GLI2: variants seen among roughly 807,000 people sequenced by gnomAD.
The protein encoded by GLI2 is transcription activator GLI2.
Under a neutral mutation model 78.9 loss-of-function variants are expected in GLI2, and 22 were observed. The observed-to-expected ratio is 0.28, with a 90% confidence interval of 0.20 to 0.40. The LOEUF (loss-of-function observed/expected upper bound fraction) is 0.40, where lower values mean the gene tolerates loss of function less well. GLI2 is among the 10% of genes least tolerant of loss of function. The pLI, the probability that GLI2 is intolerant of heterozygous loss-of-function variation, is 1.00. For missense variants in GLI2, 2,097 were observed against 2,213.2 expected, an observed-to-expected ratio of 0.95 and a Z score of 1.05; for synonymous variants, 974 against 963.7, an observed-to-expected ratio of 1.01 and a Z score of -0.20.
chr2:120,816,817 T>G (rs146942527), intron 2 of GLI2, among the ~76,000 whole-genome samples: 130 of 152,316 alleles, frequency 8.5e-4, no homozygotes, highest in African/African-American at 2.7e-3. Flanking sequence ...GATCTAGAGA[T>G]AGAAAAGAGG....
chr2:120,737,450 G>A lies in GLI2; in HGVS notation c.-31+1165G>A. ...GCCTCTTTCCACTACCTTCTCTTTT[G>A]TGTAATTGTTCTGTGGCTCCTAGAG... is the stretch of plus-strand genomic sequence containing the variant. On this transcript the variant is annotated intron_variant, in intron 1 of 13. Transcript: ENST00000361492. This position sits in a 1 kb window ranked among gnomAD's most constrained non-coding sequence, Gnocchi z 4.3. Among the ~76,000 whole-genome samples the A allele has an allele frequency of 6.6e-6, 1 of 152,160 alleles. No individual in the cohort carries two copies. The highest frequency in any genetic ancestry group is 6.5e-5 in the Admixed American group (1 of 15,282).
intron 2 of GLI2, among the ~76,000 whole-genome samples, chr2:120,919,057 C>T (rs1352600937): frequency 6.6e-6 from 1 of 152,174 alleles, no homozygotes; most frequent in Non-Finnish European, 1.5e-5. Flanking sequence ...TCTACACTAG[C>T]GCCTTCTTTT....
chr2:120,813,284 G>T (rs1450937293), intron 2 of GLI2, among the ~76,000 whole-genome samples: 1 of 152,238 alleles, frequency 6.6e-6, no homozygotes, highest in African/African-American at 2.4e-5. Context: ...TCTAAGAGCT[G>T]CATTGCTTTG....
chr2:120,989,109 C>T lies in GLI2; in HGVS notation c.3144C>T (p.Asp1048=), dbSNP rs1257064803. ...LPEDDLVLPD[D]VVQYIKAHAS... The stretch of plus-strand genomic sequence containing the variant: ...AGGACGACCTGGTGCTTCCAGACGA[C>T]GTGGTGCAGTACATCAAGGCGCACG... The change falls in exon 14 of 14, where the codon GAC becomes GAT. Residue 1048 remains aspartate (D), a synonymous_variant. Transcript: ENST00000361492. 2 of 1,612,800 alleles carry T rather than the reference C, an allele frequency of 1.2e-6. No individual in the cohort carries two copies. Among genetic ancestry groups the T allele is most frequent in the South Asian group, 1.1e-5 (1 of 91,086 alleles).
At chr2:120,921,151 G>A (rs1056659755) in intron 2 of GLI2, among the ~76,000 whole-genome samples, 2 of 152,128 alleles carry the variant, frequency 1.3e-5, no homozygotes, top group Admixed American at 6.5e-5. Flanking sequence ...GGGACAATCC[G>A]TGCTGGTCTG....
Position 120,921,712 on chromosome 2 carries a change from A to G in GLI2, c.149-5649A>G, listed in dbSNP as rs116560391. ...TGGACCCTCCTTGTACAGCATTTCC[A>G]AAAGTTGTATCAGAGCAGGTGACTG... On this transcript the variant is annotated intron_variant, in intron 2 of 13. Coordinates refer to ENST00000361492, the MANE Select transcript of GLI2 (RefSeq NM_001374353.1). Among the ~76,000 whole-genome samples the G allele has an allele frequency of 2.5e-3, 387 of 152,200 alleles. 4 individuals carry two copies. The highest frequency in any genetic ancestry group is 8.6e-3 in the African/African-American group (359 of 41,528).
intron 2 of GLI2, among the ~76,000 whole-genome samples, chr2:120,908,079 C>T (rs901061388): frequency 6.6e-6 from 1 of 152,162 alleles, no homozygotes; most frequent in Admixed American, 6.5e-5. Context: ...ACATGGGGCC[C>T]TATTATAGGT....
chr2:120,978,665 C>A, intron 10 of GLI2, 82 bp downstream of exon 10: 2 of 1,477,666 alleles, frequency 1.4e-6, no homozygotes, highest in South Asian at 1.2e-5. Context: ...TTGGAGGTGG[C>A]TGGCCACAGG....
chr2:120,776,302 G>A (rs917160727), intron 1 of GLI2, among the ~76,000 whole-genome samples: 6 of 152,356 alleles, frequency 3.9e-5, no homozygotes, highest in African/African-American at 1.4e-4. Flanking sequence ...GGCTCTATTA[G>A]CTTTGGAACC....
At chr2:120,770,557 G>A (rs1683492577) in intron 1 of GLI2, among the ~76,000 whole-genome samples, 1 of 152,220 alleles carries the variant, frequency 6.6e-6, no homozygotes, top group Non-Finnish European at 1.5e-5. Context: ...GCCATTGCTG[G>A]ACGACAGCCA....
chr2:120,942,098 C>T (rs1043060302), intron 3 of GLI2, among the ~76,000 whole-genome samples: 2 of 152,180 alleles, frequency 1.3e-5, no homozygotes, highest in African/African-American at 4.8e-5. Context: ...AACGATGGCA[C>T]TAGTGACGGT....
At chr2:120,832,001 C>T (rs1012680960) in intron 2 of GLI2, among the ~76,000 whole-genome samples, 3 of 152,174 alleles carry the variant, frequency 2.0e-5, no homozygotes, top group Non-Finnish European at 4.4e-5. Context: ...CACCACAAGG[C>T]GGGGTGGTTC....
chr2:120,766,379 A>G (rs536281707), intron 1 of GLI2, among the ~76,000 whole-genome samples: 66 of 152,256 alleles, frequency 4.3e-4, no homozygotes, highest in African/African-American at 1.5e-3. Flanking sequence ...GGCTGACCCT[A>G]GGCTCCCCAC....
intron 1 of GLI2, among the ~76,000 whole-genome samples, chr2:120,771,156 C>G (rs1323701784): frequency 6.6e-6 from 1 of 152,240 alleles, no homozygotes; most frequent in Non-Finnish European, 1.5e-5. Context: ...TGCAGGATCT[C>G]AGCCCTCTTC....
intron 2 of GLI2, among the ~76,000 whole-genome samples, chr2:120,907,657 G>C (rs1454864089): frequency 1.3e-5 from 2 of 152,186 alleles, no homozygotes; most frequent in Non-Finnish European, 2.9e-5. Flanking sequence ...CGCAGACGAG[G>C]GTTCAGATCT....
At chr2:120,842,264 T>C (rs1686921975) in intron 2 of GLI2, among the ~76,000 whole-genome samples, 1 of 152,068 alleles carries the variant, frequency 6.6e-6, no homozygotes, top group Non-Finnish European at 1.5e-5. Flanking sequence ...AAATAAAACA[T>C]TATTTGTTTA....
chr2:120,956,522 C>G (rs1028168655), intron 5 of GLI2, among the ~76,000 whole-genome samples: 3 of 152,104 alleles, frequency 2.0e-5, no homozygotes, highest in Non-Finnish European at 4.4e-5. Flanking sequence ...GCTCAGCACC[C>G]CCTCCCATCC....
intron 5 of GLI2, among the ~76,000 whole-genome samples, chr2:120,960,487 A>T (rs1438603018): frequency 1.3e-5 from 2 of 152,244 alleles, no homozygotes; most frequent in East Asian, 1.9e-4. Context: ...ACCTTAGCTG[A>T]GTGCCACCTG....
At chr2:120,931,640 G>A (rs1017610041) in intron 3 of GLI2, among the ~76,000 whole-genome samples, 1 of 152,202 alleles carries the variant, frequency 6.6e-6, no homozygotes, top group African/African-American at 2.4e-5. Flanking sequence ...GCCAGGCACG[G>A]CCCTGGGCCC....
Sources: gnomAD v4.1 joint callset for allele counts (sites outside exome capture counted in the v4.1 genomes callset) on GRCh38, gnomAD v4.1.1 for gene constraint, Gnocchi (gnomAD v3.1) non-coding constraint, MANE v1.5 for transcripts, NCBI Gene and HGNC (gene_info 2026-07-23, HGNC 2026-07-21) for gene names.